TASP1: variants seen among roughly 807,000 people sequenced by gnomAD.
TASP1 encodes threonine aspartase 1.
In TASP1, 16 loss-of-function variants were observed where a neutral mutation model predicts 56.6. The observed-to-expected ratio is 0.28, with a 90% CI of 0.19 to 0.43. TASP1 has a LOEUF of 0.43. Ranked by LOEUF, TASP1 falls within the 20% of genes least tolerant of loss-of-function variation. The probability of loss-of-function intolerance (pLI) is 1.00; values close to 1 mark genes in which losing one functional copy is unlikely to be tolerated. For missense variants in TASP1, 393 were observed against 511.6 expected, an observed-to-expected ratio of 0.77 and a Z score of 2.24; for synonymous variants, 179 against 184.2, an observed-to-expected ratio of 0.97 and a Z score of 0.23.
Position 13,609,416 on chromosome 20 carries a change from G to C in TASP1, c.282+14030C>G, listed in dbSNP as rs138934144. ...AGTTAAACACAGGCCAAGCGCGGTG[G>C]CTCACACCTGTAATCCCAGCACTTT... On this transcript the variant is annotated intron_variant, in intron 4 of 13. Transcript: ENST00000337743. Among the ~76,000 whole-genome samples the C allele has an allele frequency of 1.1e-3, 175 of 152,242 alleles. 1 individual carries two copies. Among genetic ancestry groups the C allele is most frequent in the Middle Eastern group, 3.4e-3 (1 of 294 alleles).
At chr20:13,153,965 A>C in the TASP1 span, 1 of 1,608,088 alleles carries the variant, frequency 6.2e-7, no homozygotes, top group Non-Finnish European at 8.5e-7. Flanking sequence ...CCCTCTTTCT[A>C]GTGGGAATTG....
intron 11 of TASP1, among the ~76,000 whole-genome samples, chr20:13,442,431 C>T (rs1424764035): frequency 1.3e-5 from 2 of 151,938 alleles, no homozygotes; most frequent in Non-Finnish European, 2.9e-5. Context: ...GTCAGGAGTT[C>T]AAGACCGTCT....
chr20:13,463,857 A>G (rs1364753906), intron 11 of TASP1, among the ~76,000 whole-genome samples: 2 of 152,140 alleles, frequency 1.3e-5, no homozygotes, highest in African/African-American at 4.8e-5. Context: ...CCCAGAAAAT[A>G]ACAAGTATTG....
chr20:13,547,366 T>C (rs976061316), intron 8 of TASP1, among the ~76,000 whole-genome samples: 4 of 152,286 alleles, frequency 2.6e-5, no homozygotes, highest in East Asian at 1.9e-4. Flanking sequence ...AAAGAAGTAG[T>C]TAATATTCCA....
chr20:13,337,882 G>A, the TASP1 span, among the ~76,000 whole-genome samples: 1 of 152,162 alleles, frequency 6.6e-6, no homozygotes, highest in Non-Finnish European at 1.5e-5. Context: ...TAGTACACAT[G>A]GAACTTACAA....
intron 10 of TASP1, among the ~76,000 whole-genome samples, chr20:13,522,266 T>C (rs1338927029): frequency 6.6e-6 from 1 of 152,026 alleles, no homozygotes; most frequent in African/African-American, 2.4e-5. Context: ...ATCGTTTGAG[T>C]TCGGTTTGAA....
chr20:13,363,032 A>C, the TASP1 span, among the ~76,000 whole-genome samples: 44,433 of 151,602 alleles, frequency 0.29, 7,524 homozygotes, highest in African/African-American at 0.46. Flanking sequence ...GGTCTTTGAC[A>C]CCAGATCCTA....
chr20:13,589,222 T>C (rs1305156839), intron 4 of TASP1, among the ~76,000 whole-genome samples: 1 of 151,990 alleles, frequency 6.6e-6, no homozygotes, highest in East Asian at 1.9e-4. Context: ...CATGCCCAGC[T>C]AATTTTTTGT....
chr20:13,584,468 C>T (rs1212772650), intron 5 of TASP1, among the ~76,000 whole-genome samples: 1 of 152,068 alleles, frequency 6.6e-6, no homozygotes, highest in African/African-American at 2.4e-5. Context: ...GGCCTTCAAA[C>T]ACACGAAATT....
the TASP1 span, among the ~76,000 whole-genome samples, chr20:13,225,151 C>T: frequency 6.6e-6 from 1 of 152,102 alleles, no homozygotes; most frequent in African/African-American, 2.4e-5. Flanking sequence ...CCGCGCCCGG[C>T]CCATACTAGC....
chr20:13,275,834 T>C, the TASP1 span, among the ~76,000 whole-genome samples: 3 of 152,190 alleles, frequency 2.0e-5, no homozygotes, highest in East Asian at 1.9e-4. Flanking sequence ...GAAGAACTGG[T>C]TCAGAGACCA....
chr20:13,595,076 A>G (rs2147310279), intron 4 of TASP1, among the ~76,000 whole-genome samples: 1 of 152,346 alleles, frequency 6.6e-6, no homozygotes, highest in African/African-American at 2.4e-5. Context: ...AATATTCAAC[A>G]TTCTTAAAGA....
the TASP1 span, among the ~76,000 whole-genome samples, chr20:13,322,878 C>T: frequency 8.5e-5 from 13 of 152,168 alleles, no homozygotes; most frequent in Admixed American, 2.0e-4. Flanking sequence ...CTCCCCACCC[C>T]CGCTGCCCTG....
At chr20:13,495,676 T>G (rs747950847) in intron 10 of TASP1, among the ~76,000 whole-genome samples, 1 of 152,090 alleles carries the variant, frequency 6.6e-6, no homozygotes, top group East Asian at 1.9e-4. Flanking sequence ...AATATACAAT[T>G]TGGGACTCTT....
At chr20:13,515,238 T>C (rs192681214) in intron 10 of TASP1, among the ~76,000 whole-genome samples, 2 of 152,078 alleles carry the variant, frequency 1.3e-5, no homozygotes, top group Admixed American at 1.3e-4. Flanking sequence ...CTAGACCAAA[T>C]GGTCGGTTGT....
chr20:13,121,286 ACAGGG>A, the TASP1 span, among the ~76,000 whole-genome samples: 2 of 152,190 alleles, frequency 1.3e-5, no homozygotes, highest in East Asian at 3.9e-4. Context: ...GGGAACTGGG[ACAGGG>A]CAGACAAATT....
chr20:13,212,623 T>C, the TASP1 span, among the ~76,000 whole-genome samples: 1 of 152,196 alleles, frequency 6.6e-6, no homozygotes, highest in African/African-American at 2.4e-5. Context: ...ATAAAACCTT[T>C]ATTCCAAAAC....
chr20:13,261,077 T>G, the TASP1 span, among the ~76,000 whole-genome samples: 4 of 152,142 alleles, frequency 2.6e-5, no homozygotes, highest in Non-Finnish European at 5.9e-5. Flanking sequence ...GCACAAGTGC[T>G]TTTCAAGTCT....
chr20:13,126,775 T>C, the TASP1 span: 1 of 1,594,190 alleles, frequency 6.3e-7, no homozygotes, highest in Admixed American at 1.7e-5. Flanking sequence ...TTCTGCCTCA[T>C]TAATCTCCCC....
Sources: gnomAD v4.1 joint callset for allele counts (sites outside exome capture counted in the v4.1 genomes callset) on GRCh38, gnomAD v4.1.1 for gene constraint, MANE v1.5 for transcripts, NCBI Gene and HGNC (gene_info 2026-07-23, HGNC 2026-07-21) for gene names.